The following AUTS2 variants were observed in gnomAD, a reference collection of about 807,000 sequenced individuals.
AUTS2 encodes activator of transcription and developmental regulator AUTS2.
In AUTS2, 17 loss-of-function variants were observed where a neutral mutation model predicts 112.4. The ratio of observed to expected loss-of-function variants is 0.15; its 90% CI spans 0.10 to 0.23. The LOEUF is 0.23. Ranked by LOEUF, AUTS2 falls within the 10% of genes least tolerant of loss-of-function variation. The probability of loss-of-function intolerance (pLI) is 1.00; values close to 1 mark genes in which losing one functional copy is unlikely to be tolerated. For synonymous variants in AUTS2, 751 were observed against 702.7 expected (o/e 1.07, Z -1.09); for missense variants, 1,510 against 1,701.6 (o/e 0.89, Z 1.98).
chr7:69,808,939 C>T (rs1790424756), intron 1 of AUTS2, among the ~76,000 whole-genome samples: 1 of 152,156 alleles, frequency 6.6e-6, no homozygotes, highest in Admixed American at 6.5e-5. Flanking sequence ...CTAACCTGGA[C>T]ATCACACCCT....
At chr7:70,771,063 C>A (rs1455898402) in intron 10 of AUTS2, among the ~76,000 whole-genome samples, 1 of 152,132 alleles carries the variant, frequency 6.6e-6, no homozygotes, top group Non-Finnish European at 1.5e-5. Flanking sequence ...TTTCCTCAAA[C>A]TATTAAAAGT....
At chr7:70,179,996 T>C (rs1373627818) in intron 4 of AUTS2, among the ~76,000 whole-genome samples, 2 of 152,092 alleles carry the variant, frequency 1.3e-5, no homozygotes, top group African/African-American at 4.8e-5. Context: ...CAGAAAAAAG[T>C]AGGGCTCATT....
At chr7:70,174,032 T>A (rs2129579440) in intron 4 of AUTS2, among the ~76,000 whole-genome samples, 1 of 152,318 alleles carries the variant, frequency 6.6e-6, no homozygotes, top group Middle Eastern at 3.4e-3. Context: ...TTTAGCTTAG[T>A]AAGGAAGGCA....
At chr7:70,788,065 G>A (rs146828604) in intron 18 of AUTS2, among the ~76,000 whole-genome samples, 133 of 151,990 alleles carry the variant, frequency 8.8e-4, no homozygotes, top group African/African-American at 3.0e-3. Flanking sequence ...AAAAAGTAGC[G>A]TTAAACAGGG....
At chr7:70,251,942 C>T (rs1046583047) in intron 4 of AUTS2, among the ~76,000 whole-genome samples, 48 of 151,956 alleles carry the variant, frequency 3.2e-4, no homozygotes, top group Non-Finnish European at 5.4e-4. Flanking sequence ...TTTTCTCTCT[C>T]GGATATATTT....
intron 5 of AUTS2, among the ~76,000 whole-genome samples, chr7:70,515,714 C>CT (rs60661704): frequency 7.3e-5 from 11 of 151,502 alleles, no homozygotes; most frequent in African/African-American, 1.9e-4. Context: ...TCTCTTTTCT[C>CT]TTTTTTTTTA....
At chr7:69,797,277 G>C (rs1311646160) in intron 1 of AUTS2, among the ~76,000 whole-genome samples, 1 of 152,072 alleles carries the variant, frequency 6.6e-6, no homozygotes, top group Non-Finnish European at 1.5e-5. Context: ...GTATTACCTG[G>C]GGGGACATGT....
intron 2 of AUTS2, among the ~76,000 whole-genome samples, chr7:70,071,196 C>G (rs1393369619): frequency 6.6e-6 from 1 of 152,160 alleles, no homozygotes; most frequent in East Asian, 1.9e-4. Context: ...GGAATTCTGA[C>G]TAGAAGCTCT....
chr7:70,628,154 G>A (rs1474321661), intron 5 of AUTS2, among the ~76,000 whole-genome samples: 1 of 152,128 alleles, frequency 6.6e-6, no homozygotes, highest in African/African-American at 2.4e-5. Flanking sequence ...TGCGGGCAAT[G>A]TTGAGAGACA....
chr7:70,682,751 C>T (rs1378325800), intron 5 of AUTS2, among the ~76,000 whole-genome samples: 1 of 152,252 alleles, frequency 6.6e-6, no homozygotes, highest in Non-Finnish European at 1.5e-5. Context: ...GAGAAGCTTC[C>T]TCTCTGTTCC....
At chr7:70,705,476 C>T (rs1456876270) in intron 6 of AUTS2, among the ~76,000 whole-genome samples, 4 of 152,128 alleles carry the variant, frequency 2.6e-5, no homozygotes, top group Admixed American at 2.0e-4. Flanking sequence ...TTTTATTTAG[C>T]CCGGAGCTAA....
chr7:70,570,784 C>G (rs1801905853), intron 5 of AUTS2, among the ~76,000 whole-genome samples: 1 of 152,296 alleles, frequency 6.6e-6, no homozygotes, highest in Middle Eastern at 3.4e-3. Context: ...TTCCCATCTC[C>G]CATCTGATCT....
chr7:70,386,759 A>C (rs768152666), intron 4 of AUTS2, among the ~76,000 whole-genome samples: 12 of 152,046 alleles, frequency 7.9e-5, no homozygotes, highest in Non-Finnish European at 1.3e-4. Context: ...TATAACATTA[A>C]CTCATATTCC....
At chr7:70,184,176 T>C (rs1237817107) in intron 4 of AUTS2, among the ~76,000 whole-genome samples, 2 of 152,186 alleles carry the variant, frequency 1.3e-5, no homozygotes, top group African/African-American at 2.4e-5. Context: ...CAGTCATCTT[T>C]TTGCTGGAGA....
chr7:69,603,739 ATTC>A (rs1426571546), intron 1 of AUTS2, among the ~76,000 whole-genome samples: 1 of 152,204 alleles, frequency 6.6e-6, no homozygotes, highest in Non-Finnish European at 1.5e-5. Context: ...TTGTTTGGAT[ATTC>A]TTCGAGTGAC....
chr7:70,640,421 G>GAA (rs57911940), intron 5 of AUTS2, among the ~76,000 whole-genome samples: 28,044 of 93,176 alleles, frequency 0.3, 4,155 homozygotes, highest in South Asian at 0.36. Context: ...CTCACAGGGG[G>GAA]AAAAAAAAAA....
rs1241517255 is a variant in AUTS2 at position 70,303,434 on chromosome 7, G to GCGCGCACACACACACA, written c.661-132317_661-132316insGCGCACACACACACAC. Among the ~76,000 whole-genome samples the GCGCGCACACACACACA allele has an allele frequency of 1.3e-3, 185 of 142,040 alleles. 2 individuals are homozygous for GCGCGCACACACACACA. Among genetic ancestry groups the GCGCGCACACACACACA allele is most frequent in the East Asian group, 8.9e-3 (42 of 4,718 alleles). The allele number at this position is 142,040 out of a possible 152,430, so 93.2% of individuals were successfully genotyped here. Reference sequence around the variant, plus strand: ...CACGCACACACACACGCGCGCGCGCGCACATACACACACACACACACACAC... The same window carrying GCGCGCACACACACACA: ...CACGCACACACACACGCGCGCGCGCGCGCGCACACACACACACACATACACACACACACACACACAC... On this transcript the variant is annotated intron_variant, in intron 4 of 18. Transcript: ENST00000342771.
chr7:70,470,574 G>T (rs564902609), intron 5 of AUTS2, among the ~76,000 whole-genome samples: 26 of 152,272 alleles, frequency 1.7e-4, no homozygotes, highest in African/African-American at 6.0e-4. Context: ...CGCAGCATCT[G>T]GCTCATCCCT....
At chr7:69,968,832 A>G (rs1485473813) in intron 2 of AUTS2, among the ~76,000 whole-genome samples, 1 of 150,196 alleles carries the variant, frequency 6.7e-6, no homozygotes, top group South Asian at 2.1e-4. Context: ...AACATTTTCA[A>G]CTCCTTTTTA....
Sources: gnomAD v4.1 joint callset for allele counts (sites outside exome capture counted in the v4.1 genomes callset) on GRCh38, gnomAD v4.1.1 for gene constraint, MANE v1.5 for transcripts, NCBI Gene and HGNC (gene_info 2026-07-23, HGNC 2026-07-21) for gene names.